The following SAMD5 variants were observed in gnomAD, a reference collection of about 807,000 sequenced individuals.
The protein encoded by SAMD5 is sterile alpha motif domain containing 5, also known as sterile alpha motif domain-containing protein 5.
Under a neutral mutation model 11.3 loss-of-function variants are expected in SAMD5, and 13 were observed. That is an observed-to-expected ratio of 1.15 (90% confidence interval 0.75 to 1.83). SAMD5 has a LOEUF of 1.83. SAMD5 is among the 40% of genes most tolerant of loss of function. SAMD5 has a pLI of 0.00. For synonymous variants in SAMD5, 129 were observed against 111.3 expected (o/e 1.16, Z -1.00); for missense variants, 255 against 239.1 (o/e 1.07, Z -0.44).
At chr6:147,524,160 G>A (rs1788297711) in intron 1 of SAMD5, among the ~76,000 whole-genome samples, 1 of 152,038 alleles carries the variant, frequency 6.6e-6, no homozygotes, top group African/African-American at 2.4e-5. Context: ...GATCCTTCAT[G>A]TTGATATACC....
the SAMD5 span, among the ~76,000 whole-genome samples, chr6:147,761,328 G>A: frequency 6.6e-6 from 1 of 152,138 alleles, no homozygotes; most frequent in Middle Eastern, 3.4e-3. Context: ...GAAATGAATG[G>A]TAATTGTCAT....
chr6:147,615,909 C>T (rs2128449577), intron 1 of SAMD5, among the ~76,000 whole-genome samples: 1 of 152,214 alleles, frequency 6.6e-6, no homozygotes, highest in East Asian at 1.9e-4. Context: ...GAGGTCACGA[C>T]TTTCATCTTG....
the SAMD5 span, among the ~76,000 whole-genome samples, chr6:147,785,347 C>G: frequency 5.9e-5 from 9 of 152,190 alleles, no homozygotes; most frequent in Non-Finnish European, 1.2e-4. Context: ...GTCCCCGACA[C>G]TGTGCTTTAC....
At chr6:147,600,226 A>C (rs1183043919) in intron 1 of SAMD5, among the ~76,000 whole-genome samples, 2 of 152,176 alleles carry the variant, frequency 1.3e-5, no homozygotes, top group Non-Finnish European at 2.9e-5. Flanking sequence ...CTATTTAGTC[A>C]GGAACTGTAA....
chr6:147,762,011 C>A, the SAMD5 span, among the ~76,000 whole-genome samples: 1 of 152,004 alleles, frequency 6.6e-6, no homozygotes, highest in Non-Finnish European at 1.5e-5. Context: ...CCACGCCTGG[C>A]CTTTTTTTAC....
chr6:147,766,622 C>T, the SAMD5 span, among the ~76,000 whole-genome samples: 1 of 152,076 alleles, frequency 6.6e-6, no homozygotes, highest in Non-Finnish European at 1.5e-5. Flanking sequence ...GATGTACTTC[C>T]AAAATAAACC....
chr6:147,730,116 T>C (rs1368485892), intron 1 of SAMD5: 1 of 413,782 alleles, frequency 2.4e-6, no homozygotes, highest in Non-Finnish European at 4.7e-6. Flanking sequence ...GAAAAGGAAA[T>C]GGGTAGGGCT....
intron 1 of SAMD5, among the ~76,000 whole-genome samples, chr6:147,646,971 CTAATAA>C (rs5880722): frequency 0.044 from 6,118 of 138,026 alleles, 317 homozygotes; most frequent in African/African-American, 0.13. Flanking sequence ...AACCTCATCT[CTAATAA>C]TAATAATAAT....
the SAMD5 span, among the ~76,000 whole-genome samples, chr6:147,909,711 T>C: frequency 2.6e-5 from 4 of 151,868 alleles, no homozygotes; most frequent in Non-Finnish European, 5.9e-5. Flanking sequence ...TGTCCTCGTT[T>C]GTTTGCTTAT....
chr6:147,875,744 G>T, the SAMD5 span, among the ~76,000 whole-genome samples: 1 of 152,130 alleles, frequency 6.6e-6, no homozygotes, highest in African/African-American at 2.4e-5. Flanking sequence ...GAACTGCGCA[G>T]GAGAGGGATC....
At chr6:147,757,563 T>C in the SAMD5 span, among the ~76,000 whole-genome samples, 1 of 152,218 alleles carries the variant, frequency 6.6e-6, no homozygotes, top group African/African-American at 2.4e-5. Context: ...ACATTTGGCA[T>C]CAGTTCTGGT....
chr6:147,514,432 CCAT>C (rs1788134306), intron 1 of SAMD5, among the ~76,000 whole-genome samples: 1 of 150,580 alleles, frequency 6.6e-6, no homozygotes, highest in Admixed American at 6.6e-5. Context: ...CCTATACATT[CCAT>C]CATGTAATGT....
At chr6:147,826,222 T>A in the SAMD5 span, among the ~76,000 whole-genome samples, 94 of 152,348 alleles carry the variant, frequency 6.2e-4, no homozygotes, top group African/African-American at 2.2e-3. Flanking sequence ...TGGTGGGCCT[T>A]CCAGTGAAGA....
the SAMD5 span, among the ~76,000 whole-genome samples, chr6:147,899,577 A>G: frequency 1.3e-5 from 2 of 152,166 alleles, no homozygotes; most frequent in African/African-American, 2.4e-5. Context: ...ATCCTTCGAG[A>G]AGGCATGAGC....
At chr6:147,760,914 G>T in the SAMD5 span, among the ~76,000 whole-genome samples, 1 of 152,182 alleles carries the variant, frequency 6.6e-6, no homozygotes, top group Non-Finnish European at 1.5e-5. Flanking sequence ...GAATGAGGAA[G>T]AGACAATTTG....
At chr6:147,824,431 TA>T in the SAMD5 span, among the ~76,000 whole-genome samples, 1 of 152,080 alleles carries the variant, frequency 6.6e-6, no homozygotes, top group East Asian at 1.9e-4. Flanking sequence ...AGAGGGAAAA[TA>T]ACACAAAACA....
chr6:147,750,988 C>A, the SAMD5 span, among the ~76,000 whole-genome samples: 1 of 152,162 alleles, frequency 6.6e-6, no homozygotes, highest in African/African-American at 2.4e-5. Context: ...TAGATTATGA[C>A]AAAGTAGATC....
At chr6:147,652,788 G>A (rs1790509017) in intron 1 of SAMD5, among the ~76,000 whole-genome samples, 1 of 152,182 alleles carries the variant, frequency 6.6e-6, no homozygotes. Context: ...CCCATATGAT[G>A]TGTTGGTGAA....
the SAMD5 span, among the ~76,000 whole-genome samples, chr6:147,872,253 G>A: frequency 2.0e-5 from 3 of 151,940 alleles, no homozygotes; most frequent in African/African-American, 7.3e-5. Flanking sequence ...TTACAGGTGT[G>A]CACCACCATG....
Sources: gnomAD v4.1 joint callset for allele counts (sites outside exome capture counted in the v4.1 genomes callset) on GRCh38, gnomAD v4.1.1 for gene constraint, MANE v1.5 for transcripts, NCBI Gene and HGNC (gene_info 2026-07-23, HGNC 2026-07-21) for gene names.